UNC5C: variants seen among roughly 807,000 people sequenced by gnomAD.
UNC5C encodes unc-5 netrin receptor C, also known as netrin receptor UNC5C.
UNC5C carries 47 observed loss-of-function variants against 99.8 expected under a neutral mutation model. The observed-to-expected ratio is 0.47, with a 90% CI of 0.37 to 0.60. The LOEUF is 0.60. UNC5C is among the 20% of genes least tolerant of loss of function. UNC5C has a pLI of 0.00. For missense variants in UNC5C, 1,062 were observed against 1,165.9 expected, an observed-to-expected ratio of 0.91 and a Z score of 1.30; for synonymous variants, 487 against 452.2, an observed-to-expected ratio of 1.08 and a Z score of -0.98.
intron 1 of UNC5C, among the ~76,000 whole-genome samples, chr4:95,399,749 C>A (rs1302708541): frequency 6.6e-6 from 1 of 152,192 alleles, no homozygotes; most frequent in Non-Finnish European, 1.5e-5. Context: ...CTTCAAAGTA[C>A]TTTTTCTTAT....
At chr4:95,319,749 G>A (rs992692233) in intron 2 of UNC5C, among the ~76,000 whole-genome samples, 3 of 152,098 alleles carry the variant, frequency 2.0e-5, no homozygotes, top group African/African-American at 7.2e-5. Context: ...ATTGTTCATC[G>A]ATTGTGGAAA....
chr4:95,450,309 T>A (rs1484715963), intron 1 of UNC5C, among the ~76,000 whole-genome samples: 2 of 152,200 alleles, frequency 1.3e-5, no homozygotes, highest in African/African-American at 4.8e-5. Flanking sequence ...GGCCTCAAGC[T>A]CCTGGGCTCA....
At chr4:95,329,959 A>G (rs1743048936) in intron 2 of UNC5C, among the ~76,000 whole-genome samples, 1 of 152,160 alleles carries the variant, frequency 6.6e-6, no homozygotes, top group African/African-American at 2.4e-5. Context: ...AACATCTAGC[A>G]TTTATTTTAT....
chr4:95,357,497 T>C (rs1265978434), intron 1 of UNC5C, among the ~76,000 whole-genome samples: 1 of 151,696 alleles, frequency 6.6e-6, no homozygotes, highest in Non-Finnish European at 1.5e-5. Context: ...AAAACTAAAA[T>C]ACTGTCCAGG....
At chr4:95,345,044 A>T (rs1743718773) in intron 1 of UNC5C, among the ~76,000 whole-genome samples, 1 of 151,924 alleles carries the variant, frequency 6.6e-6, no homozygotes, top group Admixed American at 6.6e-5. Flanking sequence ...CAAAAGACAC[A>T]GAGTAACTGA....
intron 1 of UNC5C, among the ~76,000 whole-genome samples, chr4:95,396,909 G>A (rs1006798085): frequency 6.6e-6 from 1 of 152,040 alleles, no homozygotes. Flanking sequence ...ATTATACCAA[G>A]TTTACAGGTA....
In UNC5C at chr4:95,291,735, T is replaced by A. The variant is rs182062622; in HGVS notation, c.490+9871A>T. On this transcript the variant is annotated intron_variant, in intron 3 of 15. Coordinates refer to ENST00000453304, the MANE Select transcript of UNC5C (RefSeq NM_003728.4). ...AACCTGATAATACAACTGTCAAGAT[T>A]TATATAAAACAAGAGTATTAATTAA... 4.7e-3 allele frequency among the ~76,000 whole-genome samples: 709 copies of A among 152,316 alleles called. 5 individuals carry two copies. Among genetic ancestry groups the A allele is most frequent in the African/African-American group, 0.017 (690 of 41,570 alleles).
chr4:95,331,857 T>C (rs1013963343), intron 2 of UNC5C, among the ~76,000 whole-genome samples: 1 of 152,046 alleles, frequency 6.6e-6, no homozygotes. Context: ...ATTAGAATAG[T>C]TTCATTTCTC....
At chr4:95,480,903 C>T (rs1238628286) in intron 1 of UNC5C, among the ~76,000 whole-genome samples, 10 of 151,318 alleles carry the variant, frequency 6.6e-5, no homozygotes, top group East Asian at 3.9e-4. Flanking sequence ...GCCAATATCA[C>T]ACTGAATGGG....
chr4:95,173,332 A>G (rs1184292563), intron 14 of UNC5C, among the ~76,000 whole-genome samples: 2,238 of 109,038 alleles, frequency 0.021, no homozygotes, highest in Admixed American at 0.032. Flanking sequence ...TTTCAAAGGG[A>G]ATGCTTCCAG....
At chr4:95,364,201 C>T (rs986469872) in intron 1 of UNC5C, among the ~76,000 whole-genome samples, 1 of 152,118 alleles carries the variant, frequency 6.6e-6, no homozygotes, top group South Asian at 2.1e-4. Context: ...TGGCAAAATA[C>T]AACACTGCTT....
intron 7 of UNC5C, among the ~76,000 whole-genome samples, chr4:95,229,289 C>T (rs536445317): frequency 1.3e-3 from 194 of 152,016 alleles, no homozygotes; most frequent in African/African-American, 4.5e-3. Context: ...CCCCCCACCC[C>T]GACAGGCCCC....
intron 7 of UNC5C, among the ~76,000 whole-genome samples, chr4:95,239,985 T>A (rs897747322): frequency 6.6e-6 from 1 of 152,214 alleles, no homozygotes; most frequent in African/African-American, 2.4e-5. Context: ...TATATCAGAA[T>A]TATTTGTATA....
In UNC5C at chr4:95,268,099, G is replaced by C. The variant is rs573430858; in HGVS notation, c.594+10160C>G. ...GGAGTAGCTGGGACTACAGGCGCCCGCCACCGCGCCCGGTTAATTTTTTGC... is the reference window on the plus strand; with the variant it reads ...GGAGTAGCTGGGACTACAGGCGCCCCCCACCGCGCCCGGTTAATTTTTTGC... On this transcript the variant is annotated intron_variant, in intron 4 of 15. Coordinates refer to ENST00000453304, the MANE Select transcript of UNC5C (RefSeq NM_003728.4). Among the ~76,000 whole-genome samples the C allele has an allele frequency of 2.7e-3, 408 of 151,970 alleles. 3 individuals carry two copies. Among genetic ancestry groups the C allele is most frequent in the African/African-American group, 8.6e-3 (356 of 41,468 alleles).
chr4:95,382,346 G>A (rs1013085819), intron 1 of UNC5C, among the ~76,000 whole-genome samples: 3 of 151,680 alleles, frequency 2.0e-5, no homozygotes, highest in Non-Finnish European at 2.9e-5. Context: ...AGTGGCATGC[G>A]CATGTACTCC....
At chr4:95,505,201 C>A (rs893877892) in intron 1 of UNC5C, among the ~76,000 whole-genome samples, 1 of 152,042 alleles carries the variant, frequency 6.6e-6, no homozygotes, top group Non-Finnish European at 1.5e-5. Flanking sequence ...AGCAAATGAA[C>A]AACTTACGGC....
At chr4:95,448,227 T>TGTGTGTGAGA (rs1339694230) in intron 1 of UNC5C, among the ~76,000 whole-genome samples, 1 of 100,086 alleles carries the variant, frequency 1.0e-5, no homozygotes, top group Non-Finnish European at 2.0e-5. Flanking sequence ...TGTGTGTGTG[T>TGTGTGTGAGA]GAGAGAGAGA....
At chr4:95,201,689 T>C (rs533983828) in intron 12 of UNC5C, among the ~76,000 whole-genome samples, 4 of 152,040 alleles carry the variant, frequency 2.6e-5, no homozygotes, top group African/African-American at 7.2e-5. Flanking sequence ...CTGCAACCTC[T>C]GCCTCCCCAG....
In UNC5C at chr4:95,474,494, T is replaced by C. The variant is rs934977856; in HGVS notation, c.124+74240A>G. 3.3e-5 allele frequency among the ~76,000 whole-genome samples: 5 copies of C among 152,026 alleles called. No homozygotes were observed. The East Asian group carries it at 9.7e-4, about 29-fold the overall frequency. On this transcript the variant is annotated intron_variant, in intron 1 of 15. Transcript: ENST00000453304. ...TAGTAGAGATGGGGTTTCACCATAT[T>C]GTCCAGGCTGGTCTCGAACTCCTGA...
Sources: allele counts gnomAD v4.1 joint callset (sites outside exome capture counted in the v4.1 genomes callset), GRCh38; gene constraint gnomAD v4.1.1; transcripts MANE v1.5; gene names NCBI Gene and HGNC (gene_info 2026-07-23, HGNC 2026-07-21).